Variants in PITPNC1 observed in about 807,000 individuals in gnomAD.
PITPNC1 encodes the protein phosphatidylinositol transfer protein cytoplasmic 1, also known as cytoplasmic phosphatidylinositol transfer protein 1.
PITPNC1 carries 18 observed loss-of-function variants against 44.7 expected under a neutral mutation model. That is an observed-to-expected ratio of 0.40 (90% CI 0.28 to 0.60). The LOEUF (loss-of-function observed/expected upper bound fraction) is 0.60, where lower values mean the gene tolerates loss of function less well. Among genes scored for constraint, PITPNC1 ranks in the 20% least tolerant of loss-of-function variants. The pLI, the probability that PITPNC1 is intolerant of heterozygous loss-of-function variation, is 0.39. For synonymous variants in PITPNC1, 141 were observed against 149.6 expected, an observed-to-expected ratio of 0.94 and a Z score of 0.42; for missense variants, 290 against 418.4, an observed-to-expected ratio of 0.69 and a Z score of 2.68.
At chr17:67,539,118 C>T (rs2040569303) in intron 2 of PITPNC1, among the ~76,000 whole-genome samples, 1 of 152,040 alleles carries the variant, frequency 6.6e-6, no homozygotes, top group African/African-American at 2.4e-5. Flanking sequence ...CAATAGCATC[C>T]TCTTTTACAC....
chr17:67,692,476 G>C, intron 8 of PITPNC1, 96 bp from the exon 9 acceptor site: 1 of 841,768 alleles, frequency 1.2e-6, no homozygotes, highest in Non-Finnish European at 1.9e-6. Context: ...TTATGATAGG[G>C]TTCCCATAGT....
chr17:67,484,612 C>T (rs1055493719), intron 1 of PITPNC1, among the ~76,000 whole-genome samples: 2 of 152,122 alleles, frequency 1.3e-5, no homozygotes, highest in Non-Finnish European at 2.9e-5. Flanking sequence ...AATATTTATC[C>T]AATCCCCTAA....
At chr17:67,620,530 A>G (rs2041815954) in intron 5 of PITPNC1, among the ~76,000 whole-genome samples, 1 of 152,098 alleles carries the variant, frequency 6.6e-6, no homozygotes, top group South Asian at 2.1e-4. Context: ...TCCCTGCTGC[A>G]TAGGCTTGTC....
chr17:67,390,990 A>G (rs1001509658), intron 1 of PITPNC1, among the ~76,000 whole-genome samples: 4 of 151,996 alleles, frequency 2.6e-5, no homozygotes, highest in African/African-American at 2.4e-5. Context: ...CGTTAGTGGA[A>G]GTCGACTCAT....
intron 1 of PITPNC1, among the ~76,000 whole-genome samples, chr17:67,394,201 G>T (rs1598610959): frequency 6.6e-6 from 1 of 152,170 alleles, no homozygotes; most frequent in Middle Eastern, 3.4e-3. Context: ...CAAATCCCCA[G>T]TATCACAGAA....
Position 67,676,620 on chromosome 17 carries a change from A to G in PITPNC1, c.682+1078A>G, listed in dbSNP as rs2042607028. On this transcript the variant is annotated intron_variant, in intron 8 of 8. Coordinates refer to ENST00000581322, the MANE Select transcript of PITPNC1 (RefSeq NM_012417.4). The surrounding 1 kb of genome is among the most constrained non-coding windows in gnomAD (Gnocchi z 4.0). ...TTGGCCTTTTCCAAAGTCACATTAA[A>G]TTTGTTCTGAGTATAACCTAGATTG... 6.6e-6 allele frequency among the ~76,000 whole-genome samples: 1 copy of G among 152,012 alleles called. No individual in the cohort carries two copies. Among genetic ancestry groups the G allele is most frequent in the African/African-American group, 2.4e-5 (1 of 41,374 alleles).
At chr17:67,581,182 C>A (rs1305646378) in intron 5 of PITPNC1, among the ~76,000 whole-genome samples, 1 of 152,240 alleles carries the variant, frequency 6.6e-6, no homozygotes, top group South Asian at 2.1e-4. Context: ...TATTATTATA[C>A]ATCCTTTTTT....
intron 8 of PITPNC1, among the ~76,000 whole-genome samples, chr17:67,690,729 C>T (rs953175585): frequency 1.3e-5 from 2 of 152,076 alleles, no homozygotes; most frequent in African/African-American, 4.8e-5. Context: ...CTTTAATAAG[C>T]CCAGGTTCCT....
Position 67,377,297 on chromosome 17 carries a change from G to C in PITPNC1, c.-858G>C, listed in dbSNP as rs1387903519. On this transcript the variant is annotated 5_prime_UTR_variant, in exon 1 of 9. Coordinates refer to ENST00000581322, the MANE Select transcript of PITPNC1 (RefSeq NM_012417.4). ...CTCGCTCCTCCCGCACCCACCTCCC[G>C]GCCCCAGGCACACTGCATCGGCGCG... is the stretch of plus-strand genomic sequence containing the variant. 2.0e-5 allele frequency: 3 copies of C among 152,252 alleles called. No individual in the cohort carries two copies. The highest frequency in any genetic ancestry group is 7.2e-5 in the African/African-American group (3 of 41,462). The allele number at this position is 152,252 out of a possible 1,614,324, so 9.4% of individuals were successfully genotyped here.
chr17:67,413,488 T>C (rs1245243837), intron 1 of PITPNC1, among the ~76,000 whole-genome samples: 1 of 145,806 alleles, frequency 6.9e-6, no homozygotes, highest in Non-Finnish European at 1.5e-5. Context: ...CTCGCTATGC[T>C]CAGCCTGTGT....
Position 67,604,910 on chromosome 17 carries a change from T to A in PITPNC1, c.366+26653T>A, listed in dbSNP as rs2041589582. Among the ~76,000 whole-genome samples the A allele has an allele frequency of 2.6e-5, 4 of 151,838 alleles. No homozygotes were observed. In the South Asian group the frequency reaches 8.3e-4, roughly 32 times the overall value. ...GCCTGGCCAACATCATGAAGCCCCA[T>A]CTCTACTAAAAATAAAAAATTAGCT... On this transcript the variant is annotated intron_variant, in intron 5 of 8. Transcript: ENST00000581322.
chr17:67,569,902 T>G (rs73994901), intron 4 of PITPNC1, among the ~76,000 whole-genome samples: 2 of 151,896 alleles, frequency 1.3e-5, no homozygotes, highest in Non-Finnish European at 2.9e-5. Flanking sequence ...GAGAGAGAGA[T>G]AAAAAAGAAA....
intron 1 of PITPNC1, among the ~76,000 whole-genome samples, chr17:67,451,035 C>A (rs2039167732): frequency 6.6e-6 from 1 of 152,074 alleles, no homozygotes; most frequent in Non-Finnish European, 1.5e-5. Context: ...AATCTAATTT[C>A]TTTTCCTTTT....
At chr17:67,599,019 TATATATATATA>T (rs1234554243) in intron 5 of PITPNC1, among the ~76,000 whole-genome samples, 16 of 37,370 alleles carry the variant, frequency 4.3e-4, no homozygotes, top group African/African-American at 1.9e-3. Flanking sequence ...TATATATATA[TATATATATATA>T]TATATTTTTT....
At chr17:67,412,252 G>C (rs543251965) in intron 1 of PITPNC1, among the ~76,000 whole-genome samples, 1 of 152,118 alleles carries the variant, frequency 6.6e-6, no homozygotes, top group South Asian at 2.1e-4. Context: ...CCTGGAGCCC[G>C]GGGCAGGGTT....
At chr17:67,555,930 G>A (rs1327736677) in intron 4 of PITPNC1, among the ~76,000 whole-genome samples, 1 of 152,186 alleles carries the variant, frequency 6.6e-6, no homozygotes. Flanking sequence ...GCATAACTGA[G>A]CAATTATCTC....
chr17:67,449,019 G>A (rs4790975), intron 1 of PITPNC1, among the ~76,000 whole-genome samples: 18,282 of 152,146 alleles, frequency 0.12, 1,166 homozygotes, highest in Middle Eastern at 0.2. Context: ...CTCCCGCCTC[G>A]GCCTCCCAAA....
At chr17:67,474,863 A>G (rs1029244610) in intron 1 of PITPNC1, among the ~76,000 whole-genome samples, 3 of 151,632 alleles carry the variant, frequency 2.0e-5, no homozygotes, top group Admixed American at 6.6e-5. Flanking sequence ...TGTGTTGCTC[A>G]GGCTGGTCTC....
chr17:67,631,565 CT>C (rs1282052005), intron 5 of PITPNC1, among the ~76,000 whole-genome samples: 1 of 115,994 alleles, frequency 8.6e-6, no homozygotes, highest in African/African-American at 3.2e-5. Context: ...AGAGGCGGAG[CT>C]TGCAGTGAGC....
Sources: gnomAD v4.1 joint callset for allele counts (sites outside exome capture counted in the v4.1 genomes callset) on GRCh38, gnomAD v4.1.1 for gene constraint, Gnocchi (gnomAD v3.1) non-coding constraint, MANE v1.5 for transcripts, NCBI Gene and HGNC (gene_info 2026-07-23, HGNC 2026-07-21) for gene names.